TGFBR3L: variants seen among roughly 807,000 people sequenced by gnomAD.
TGFBR3L encodes the protein transforming growth factor beta receptor 3 like.
TGFBR3L carries 21 observed loss-of-function variants against 20.4 expected under a neutral mutation model. The observed-to-expected ratio is 1.03, with a 90% CI of 0.73 to 1.48. The LOEUF is 1.48. Among genes scored for constraint, TGFBR3L ranks in the 40% most tolerant of loss-of-function variants. The pLI, the probability that TGFBR3L is intolerant of heterozygous loss-of-function variation, is 0.00. For synonymous variants in TGFBR3L, 245 were observed against 244.2 expected (o/e 1.00, Z -0.03); for missense variants, 479 against 498.0 (o/e 0.96, Z 0.36).
chr19:7,916,835 G>A lies in TGFBR3L; in HGVS notation c.490G>A (p.Ala164Thr), dbSNP rs1429708111. Residue 164 changes from alanine to threonine, a missense_variant, in exon 2 of 6, where the codon GCC becomes ACC. Ala to Thr is a moderately conservative substitution (Grantham distance 58, BLOSUM62 0). Transcript: ENST00000565886. ...CTTCCGCCTGCGCCCGGTCTTCAACGCCTCGGTGCAGTTCCTGCACTGCCA... is the reference window on the plus strand; with the variant it reads ...CTTCCGCCTGCGCCCGGTCTTCAACACCTCGGTGCAGTTCCTGCACTGCCA... 10 of 1,476,690 alleles carry A rather than the reference G, an allele frequency of 6.8e-6. No individual in the cohort carries two copies. The highest frequency in any genetic ancestry group is 2.6e-5 in the South Asian group (2 of 78,392). The allele number at this position is 1,476,690 out of a possible 1,614,324, so 91.5% of individuals were successfully genotyped here.
At position 7,916,913 on chromosome 19, in the gene TGFBR3L, ACGCCGC is replaced by A. The variant is rs532844274; in HGVS notation, c.585_590del (p.Pro196_Pro197del). ...AGTCCGCCGGGCGCCTGCGCCTCTG[ACGCCGC>A]CGCCGCCGCCGCCGCCATCGCGGGT... On this transcript the variant is annotated inframe_deletion, in exon 2 of 6. Transcript: ENST00000565886. The A allele has an allele frequency of 2.9e-4, 377 of 1,306,042 alleles. 1 individual carries two copies. Among genetic ancestry groups the A allele is most frequent in the Non-Finnish European group, 2.9e-4 (298 of 1,035,410 alleles). The allele number at this position is 1,306,042 out of a possible 1,614,324, so 80.9% of individuals were successfully genotyped here.
chr19:7,918,220 TTTG>T, intron 5 of TGFBR3L, 91 bp downstream of exon 6: 2 of 735,432 alleles, frequency 2.7e-6, no homozygotes, highest in Non-Finnish European at 3.9e-6. Context: ...CTGTGGTTTT[TTTG>T]TTTGTTTGTT....
rs1406498595 is a variant in TGFBR3L at position 7,914,874 on chromosome 19, G to C, written c.-1394G>C. ...GGTCCAGCATGCTGGGCACCGTGCT[G>C]CTGCTGGCCCTGCTCCCAGGGATCA... On this transcript the variant is annotated 5_prime_UTR_variant, in exon 1 of 6. Transcript: ENST00000565886. 2.0e-5 allele frequency among the ~76,000 whole-genome samples: 3 copies of C among 152,232 alleles called. No individual in the cohort carries two copies. The highest frequency in any genetic ancestry group is 7.2e-5 in the African/African-American group (3 of 41,454).
At chr19:7,917,121 G>A (rs1186201518) in intron 2 of TGFBR3L, 179 bp downstream of exon 3, 2 of 1,021,828 alleles carry the variant, frequency 2.0e-6, no homozygotes, top group Non-Finnish European at 2.6e-6. Flanking sequence ...TGGACACTGG[G>A]TTCCCCCATG....
Position 7,915,796 on chromosome 19 carries a change from A to G in TGFBR3L, c.-472A>G, listed in dbSNP as rs1983256150. Among the ~76,000 whole-genome samples, 1 of 152,158 alleles carries G rather than the reference A, an allele frequency of 6.6e-6. No homozygotes were observed. The highest frequency in any genetic ancestry group is 2.1e-4 in the South Asian group (1 of 4,828). ...TTCGTATTTGGAGATTAGCCGTTTTACCAGGACCCCGCTCAGCACCTGAAG... is the reference window on the plus strand; with the variant it reads ...TTCGTATTTGGAGATTAGCCGTTTTGCCAGGACCCCGCTCAGCACCTGAAG... On this transcript the variant is annotated 5_prime_UTR_variant, in exon 1 of 6. Coordinates refer to ENST00000565886, the MANE Select transcript of TGFBR3L (RefSeq NM_001195259.2).
At position 7,916,237 on chromosome 19, in the gene TGFBR3L, C is replaced by T. The variant is rs944319965; in HGVS notation, c.-31C>T. Reference sequence around the variant, plus strand: ...CAGGGGTCGCCAGGGGGCACATCACCGTCAGGGGGGAAAGTGGCGCGGAGC... The same window carrying T: ...CAGGGGTCGCCAGGGGGCACATCACTGTCAGGGGGGAAAGTGGCGCGGAGC... On this transcript the variant is annotated 5_prime_UTR_variant, in exon 1 of 6. Coordinates refer to ENST00000565886, the MANE Select transcript of TGFBR3L (RefSeq NM_001195259.2). The T allele has an allele frequency of 8.5e-6, 13 of 1,525,088 alleles. No homozygotes were observed. Among genetic ancestry groups the T allele is most frequent in the Admixed American group, 2.0e-5 (1 of 50,490 alleles). The allele number at this position is 1,525,088 out of a possible 1,614,324, so 94.5% of individuals were successfully genotyped here. A position where few individuals can be genotyped will look rare whatever the true frequency, so the allele number is the denominator to read the frequency against.
At chr19:7,917,671 G>C in intron 3 of TGFBR3L, 30 bp from the exon 5 acceptor site, 6 of 1,427,094 alleles carry the variant, frequency 4.2e-6, no homozygotes, top group Non-Finnish European at 5.5e-6. Context: ...CTGGGAGCTG[G>C]ACCCAGTCTC....
At chr19:7,917,284 GCTGGGCGGCTAGCCA>G (rs1983355014) in intron 2 of TGFBR3L, among the ~76,000 whole-genome samples, 174 bp from the exon 4 acceptor site, 1 of 152,138 alleles carries the variant, frequency 6.6e-6, no homozygotes, top group Non-Finnish European at 1.5e-5. Context: ...GTCCTTAGGG[GCTGGGCGGCTAGCCA>G]CTTGTATGCG....
Position 7,917,768 on chromosome 19 carries a change from G to C in TGFBR3L, c.792G>C (p.Leu264=), listed in dbSNP as rs774131094. Reference sequence around the variant, plus strand: ...CTCCCGCGCCGGCCCCCGCGGCCCTGGAACCCGCGCCGGTGGTGGCGCTGG... The same window carrying C: ...CTCCCGCGCCGGCCCCCGCGGCCCTCGAACCCGCGCCGGTGGTGGCGCTGG... Residue 264 remains leucine, a synonymous_variant, in exon 4 of 6, where the codon CTG becomes CTC. Transcript: ENST00000565886. 37 of 1,442,384 alleles carry C rather than the reference G, an allele frequency of 2.6e-5. No homozygotes were observed. The highest frequency in any genetic ancestry group is 3.3e-5 in the Non-Finnish European group (36 of 1,105,764). The allele number at this position is 1,442,384 out of a possible 1,614,324, so 89.3% of individuals were successfully genotyped here. A position where few individuals can be genotyped will look rare whatever the true frequency, so the allele number is the denominator to read the frequency against.
At chr19:7,918,247 GTTTT>G (rs1983411961) in intron 5 of TGFBR3L, 118 bp downstream of exon 6, 2 of 1,026,280 alleles carry the variant, frequency 1.9e-6, no homozygotes, top group Admixed American at 2.4e-5. Flanking sequence ...TTGTTTGTTT[GTTTT>G]TTGAGACGGA....
rs1411603345 is a variant in TGFBR3L at position 7,917,869 on chromosome 19, A to T, written c.883+10A>T. 3 of 1,366,858 alleles carry T rather than the reference A, an allele frequency of 2.2e-6. No individual in the cohort carries two copies. The highest frequency in any genetic ancestry group is 2.8e-6 in the Non-Finnish European group (3 of 1,066,962). 84.7% of individuals were successfully genotyped at this position (1,366,858 alleles called of 1,614,324 possible). A position where few individuals can be genotyped will look rare whatever the true frequency, so the allele number is the denominator to read the frequency against. On this transcript the variant is annotated intron_variant, in intron 4 of 5. Coordinates refer to ENST00000565886, the MANE Select transcript of TGFBR3L (RefSeq NM_001195259.2). Reference sequence around the variant, plus strand: ...GTCTGTGCGCACTCAGGTACCGACGACCTCCGCCAAGCCGGGCCCCCAGTC... The same window carrying T: ...GTCTGTGCGCACTCAGGTACCGACGTCCTCCGCCAAGCCGGGCCCCCAGTC...
At position 7,916,614 on chromosome 19, in the gene TGFBR3L, TC is replaced by T; in HGVS notation, c.277-3del. The T allele has an allele frequency of 1.4e-6, 2 of 1,425,006 alleles. No individual in the cohort carries two copies. Among genetic ancestry groups the T allele is most frequent in the Non-Finnish European group, 1.8e-6 (2 of 1,098,426 alleles). The allele number at this position is 1,425,006 out of a possible 1,614,324, so 88.3% of individuals were successfully genotyped here. A position where few individuals can be genotyped will look rare whatever the true frequency, so the allele number is the denominator to read the frequency against. On this transcript the variant is annotated splice_region_variant and splice_polypyrimidine_tract_variant and intron_variant, in intron 1 of 5. Transcript: ENST00000565886. ...CGGGCGATCCCTGATGGCGCCTCCG[TC>T]CCCCAGGCGGCCTTGGCCCGTCCCT...
At position 7,916,409 on chromosome 19, in the gene TGFBR3L, C is replaced by G. The variant is rs749883893; in HGVS notation, c.142C>G (p.Pro48Ala). Residue 48 changes from proline (P) to alanine (A), a missense_variant, in exon 1 of 6, where the codon CCC (proline) becomes GCC (alanine). Physicochemically the swap from Pro to Ala is conservative, Grantham distance 27. Coordinates refer to ENST00000565886, the MANE Select transcript of TGFBR3L (RefSeq NM_001195259.2). ...GCCGCCCTTCCCCGCCCCGCCAGCT[C>G]CCCCGTTCCCCGCGGCGCCCGGCCC... The G allele has an allele frequency of 2.0e-6, 3 of 1,534,794 alleles. No homozygotes were observed. The South Asian group carries it at 3.6e-5, about 18-fold the overall frequency.
At chr19:7,917,418 C>T in intron 2 of TGFBR3L, 55 bp from the exon 4 acceptor site, 1 of 1,500,390 alleles carries the variant, frequency 6.7e-7, no homozygotes, top group Non-Finnish European at 8.8e-7. Flanking sequence ...GGGACCAGAG[C>T]CACGATCCCG....
At chr19:7,916,591 G>A (rs569093008) in intron 1 of TGFBR3L, 31 bp from the exon 3 acceptor site, 8 of 1,433,678 alleles carry the variant, frequency 5.6e-6, no homozygotes, top group East Asian at 2.6e-5. Context: ...GGTGGGGACG[G>A]GCGATCCCTG....
At chr19:7,917,247 T>C (rs1311066488) in intron 2 of TGFBR3L, among the ~76,000 whole-genome samples, 2 of 151,954 alleles carry the variant, frequency 1.3e-5, no homozygotes, top group Admixed American at 1.3e-4. Context: ...ACGCGGACCA[T>C]GCGATCTTGT....
Position 7,915,063 on chromosome 19 carries a change from C to T in TGFBR3L, c.-1205C>T, listed in dbSNP as rs1021471568. 7.2e-5 allele frequency among the ~76,000 whole-genome samples: 11 copies of T among 152,198 alleles called. No homozygotes were observed. Among genetic ancestry groups the T allele is most frequent in the Non-Finnish European group, 1.3e-4 (9 of 68,040 alleles). ...AATCTCCACTCACCGCAACCTCCGC[C>T]TCCCCGGTTCAAGTGATTCTCCTGC... On this transcript the variant is annotated 5_prime_UTR_variant, in exon 1 of 6. Coordinates refer to ENST00000565886, the MANE Select transcript of TGFBR3L (RefSeq NM_001195259.2).
Position 7,915,268 on chromosome 19 carries a change from GC to G in TGFBR3L, c.-996del, listed in dbSNP as rs1379565328. 1.3e-5 allele frequency among the ~76,000 whole-genome samples: 2 copies of G among 151,842 alleles called. No individual in the cohort carries two copies. The highest frequency in any genetic ancestry group is 6.6e-5 in the Admixed American group (1 of 15,256). ...TGGGATTACAGGTGTGAGCCACCGC[GC>G]CCCACCGATGTCACTCTCTTTCAAC... On this transcript the variant is annotated 5_prime_UTR_variant, in exon 1 of 6. Transcript: ENST00000565886.
At position 7,917,538 on chromosome 19, in the gene TGFBR3L, C is replaced by G. The variant is rs189917216; in HGVS notation, c.663C>G (p.Asp221Glu). 10 of 1,521,568 alleles carry G rather than the reference C, an allele frequency of 6.6e-6. No homozygotes were observed. The East Asian group carries it at 7.8e-5, about 12-fold the overall frequency. 94.3% of individuals were successfully genotyped at this position (1,521,568 alleles called of 1,614,324 possible). Reference sequence around the variant, plus strand: ...GCAGCGCCGAGGGCCTGGCTGCTGACGGCCCCCACCTGCACACGCTGACGC... The same window carrying G: ...GCAGCGCCGAGGGCCTGGCTGCTGAGGGCCCCCACCTGCACACGCTGACGC... Residue 221 changes from aspartate (D) to glutamate (E), a missense_variant, in exon 3 of 6, where the codon GAC becomes GAG. Coordinates refer to ENST00000565886, the MANE Select transcript of TGFBR3L (RefSeq NM_001195259.2).
Sources: allele counts gnomAD v4.1 joint callset (sites outside exome capture counted in the v4.1 genomes callset), GRCh38; gene constraint gnomAD v4.1.1; transcripts MANE v1.5; gene names NCBI Gene and HGNC (gene_info 2026-07-23, HGNC 2026-07-21).